OTUD7B: variants seen among roughly 807,000 people sequenced by gnomAD.
OTUD7B encodes the protein OTU domain-containing protein 7B.
In OTUD7B, 34 loss-of-function variants were observed where a neutral mutation model predicts 82.2. The ratio of observed to expected loss-of-function variants is 0.41; its 90% CI spans 0.31 to 0.55. The LOEUF (loss-of-function observed/expected upper bound fraction) is 0.55, where lower values mean the gene tolerates loss of function less well. OTUD7B is among the 20% of genes least tolerant of loss of function. The probability of loss-of-function intolerance (pLI) is 0.20; values close to 1 mark genes in which losing one functional copy is unlikely to be tolerated. For synonymous variants in OTUD7B, 398 were observed against 402.7 expected (o/e 0.99, Z 0.14); for missense variants, 944 against 1,062.1 (o/e 0.89, Z 1.55).
intron 6 of OTUD7B, chr1:149,963,134 A>T (rs1488612363): frequency 6.6e-6 from 1 of 152,240 alleles, no homozygotes; most frequent in Non-Finnish European, 1.5e-5. Context: ...AAATAACTAA[A>T]ACAAAAAAAC....
chr1:150,063,867 T>C, the OTUD7B span, among the ~76,000 whole-genome samples: 1 of 152,248 alleles, frequency 6.6e-6, no homozygotes, highest in Non-Finnish European at 1.5e-5. Context: ...ACTAAGCCTC[T>C]GAAATCACTT....
intron 7 of OTUD7B, among the ~76,000 whole-genome samples, chr1:149,958,258 A>G (rs1269452438): frequency 6.6e-6 from 1 of 151,398 alleles, no homozygotes; most frequent in Non-Finnish European, 1.5e-5. Flanking sequence ...AATCCTGGAC[A>G]TTATATAATT....
At chr1:150,059,449 C>T in the OTUD7B span, among the ~76,000 whole-genome samples, 3 of 151,022 alleles carry the variant, frequency 2.0e-5, no homozygotes, top group Non-Finnish European at 4.4e-5. Flanking sequence ...GGCTCACCGC[C>T]TCCTCCTCCT....
intron 1 of OTUD7B, among the ~76,000 whole-genome samples, chr1:150,005,764 A>C (rs1183222077): frequency 6.6e-6 from 1 of 152,124 alleles, no homozygotes. Flanking sequence ...TCTACAAAGC[A>C]CAAGTCCTTT....
At chr1:150,064,468 C>T in the OTUD7B span, among the ~76,000 whole-genome samples, 47 of 152,098 alleles carry the variant, frequency 3.1e-4, 1 homozygote, top group African/African-American at 1.0e-3. Flanking sequence ...ATTTCCAGGG[C>T]TCAAGCAATC....
At position 149,977,409 on chromosome 1, in the gene OTUD7B, C is replaced by A; in HGVS notation, c.85+17G>T. ...ATTTTACTTTCTCTTTTCTCATTCT[C>A]CCCTACAACTCCTCACCTTCTAGGA... is the stretch of plus-strand genomic sequence containing the variant. On this transcript the variant is annotated intron_variant, in intron 2 of 11. Transcript: ENST00000581312. 6 of 1,568,020 alleles carry A rather than the reference C, an allele frequency of 3.8e-6. No homozygotes were observed. The highest frequency in any genetic ancestry group is 5.3e-6 in the Non-Finnish European group (6 of 1,137,916).
At chr1:150,017,283 C>G in the OTUD7B span, among the ~76,000 whole-genome samples, 1 of 152,138 alleles carries the variant, frequency 6.6e-6, no homozygotes, top group African/African-American at 2.4e-5. Context: ...TAAGATTTAT[C>G]AGCTCCCAAT....
chr1:149,968,798 C>T (rs1345749509), intron 3 of OTUD7B, among the ~76,000 whole-genome samples: 1 of 152,154 alleles, frequency 6.6e-6, no homozygotes, highest in East Asian at 1.9e-4. Context: ...GCAACCTCTG[C>T]CTCCCAGGTT....
chr1:149,945,028 G>A lies in OTUD7B; in HGVS notation c.1361C>T (p.Ala454Val), dbSNP rs1553771794. ...AGGAGTGGACCGGGGCTCATCTCCA[G>A]CTGAGGCGGTGGGGGACTCAGGCTG... ...LAQPESPTAS[A>V]GDEPRSTPES... Residue 454 changes from alanine to valine, a missense_variant, in exon 12 of 12, where the codon GCT becomes GTT. By Grantham distance (64) the Ala-to-Val change is moderately conservative. Coordinates refer to ENST00000581312, the MANE Select transcript of OTUD7B (RefSeq NM_020205.4). 2 of 1,614,080 alleles carry A rather than the reference G, an allele frequency of 1.2e-6. No homozygotes were observed. The highest frequency in any genetic ancestry group is 1.7e-6 in the Non-Finnish European group (2 of 1,180,008).
chr1:150,045,837 GAAC>G, the OTUD7B span, among the ~76,000 whole-genome samples: 1 of 151,998 alleles, frequency 6.6e-6, no homozygotes, highest in African/African-American at 2.4e-5. Context: ...ATCCTCATAT[GAAC>G]AAAAAGCCTT....
rs587733266 is a variant in OTUD7B, at chr1:149,977,616, G to T, written c.-66-40C>A. The T allele has an allele frequency of 6.4e-4, 504 of 781,848 alleles. 7 individuals carry two copies. In the South Asian group the frequency reaches 7.1e-3, roughly 11 times the overall value. The allele number at this position is 781,848 out of a possible 1,614,324, so 48.4% of individuals were successfully genotyped here. ...AATACATAAGGCTCAAATTACACTG[G>T]AACAGGATAATCACAGTCCCATGTC... On this transcript the variant is annotated intron_variant, in intron 1 of 11. Transcript: ENST00000581312.
chr1:149,976,509 G>A (rs1048170107), intron 2 of OTUD7B, among the ~76,000 whole-genome samples: 3 of 150,954 alleles, frequency 2.0e-5, no homozygotes, highest in Non-Finnish European at 4.4e-5. Context: ...TACTCCGGAG[G>A]CTGAGGCAGG....
chr1:150,005,752 C>A (rs1405559183), intron 1 of OTUD7B, among the ~76,000 whole-genome samples: 1 of 152,024 alleles, frequency 6.6e-6, no homozygotes, highest in Admixed American at 6.5e-5. Flanking sequence ...TCTGGAAGAG[C>A]CTCTACAAAG....
At chr1:149,964,863 G>T (rs1649418737) in intron 5 of OTUD7B, among the ~76,000 whole-genome samples, 1 of 150,864 alleles carries the variant, frequency 6.6e-6, no homozygotes, top group African/African-American at 2.4e-5. Flanking sequence ...CAAAGTGCTG[G>T]GACTACAGGC....
chr1:149,980,508 G>C (rs185474408), intron 1 of OTUD7B, among the ~76,000 whole-genome samples: 179 of 147,996 alleles, frequency 1.2e-3, no homozygotes, highest in African/African-American at 4.3e-3. Context: ...ATCACCTGAG[G>C]TCAGGAGTTT....
Position 149,950,121 on chromosome 1 carries a change from T to C in OTUD7B, c.946A>G (p.Thr316Ala). The change falls in exon 8 of 12, where the codon ACC becomes GCC. Residue 316 changes from threonine (T) to alanine (A), a missense_variant. Thr to Ala is a moderately conservative substitution (Grantham distance 58). Transcript: ENST00000581312. ...TCCCCTCCGGAGTCCCTCAGCATGG[T>C]GTCTGCCACGACGACTATGGGCCTC... ...LRRPIVVVADTMLRDSGGEAF... is the reference protein window; with the variant it reads ...LRRPIVVVADAMLRDSGGEAF... 6.2e-7 allele frequency: 1 copy of C among 1,614,074 alleles called. No individual in the cohort carries two copies. Among genetic ancestry groups the C allele is most frequent in the Non-Finnish European group, 8.5e-7 (1 of 1,180,024 alleles).
chr1:150,040,248 T>C, the OTUD7B span, among the ~76,000 whole-genome samples: 1 of 152,234 alleles, frequency 6.6e-6, no homozygotes, highest in Non-Finnish European at 1.5e-5. Context: ...TCTTTCAGTA[T>C]ACTGAACATA....
At chr1:150,062,216 A>C in the OTUD7B span, among the ~76,000 whole-genome samples, 2 of 152,208 alleles carry the variant, frequency 1.3e-5, no homozygotes, top group African/African-American at 4.8e-5. Flanking sequence ...GTACAAGAGT[A>C]TGTACAGTAT....
chr1:150,009,255 A>G (rs1055897355), intron 1 of OTUD7B, among the ~76,000 whole-genome samples: 4 of 152,200 alleles, frequency 2.6e-5, no homozygotes, highest in Non-Finnish European at 5.9e-5. Flanking sequence ...AATTTTCTAC[A>G]TGTTTTCAGA....
Sources: gnomAD v4.1 joint callset for allele counts (sites outside exome capture counted in the v4.1 genomes callset) on GRCh38, gnomAD v4.1.1 for gene constraint, MANE v1.5 for transcripts, NCBI Gene and HGNC (gene_info 2026-07-23, HGNC 2026-07-21) for gene names.